The following GABRA3 variants were observed in gnomAD, a reference collection of about 807,000 sequenced individuals.
GABRA3 encodes the protein gamma-aminobutyric acid receptor subunit alpha-3.
In GABRA3, 10 loss-of-function variants were observed where a neutral mutation model predicts 30.1. The observed-to-expected ratio is 0.33, with a 90% CI of 0.20 to 0.56. The LOEUF (loss-of-function observed/expected upper bound fraction) is 0.56. Ranked by LOEUF, GABRA3 falls within the 20% of genes least tolerant of loss-of-function variation. GABRA3 has a pLI of 0.89. For missense variants in GABRA3, 233 were observed against 392.0 expected (o/e 0.59, Z 3.42); for synonymous variants, 151 against 146.8 (o/e 1.03, Z -0.21).
intron 7 of GABRA3, among the ~76,000 whole-genome samples, chrX:152,200,967 AG>A (rs1225449163): frequency 2.7e-5 from 3 of 111,921 alleles, no homozygotes; most frequent in Non-Finnish European, 5.6e-5. Context: ...ACTGACACCT[AG>A]GTTGCGAAGA....
At chrX:152,344,626 C>T (rs761393042) in intron 3 of GABRA3, among the ~76,000 whole-genome samples, 1 of 111,886 alleles carries the variant, frequency 8.9e-6, no homozygotes, top group Non-Finnish European at 1.9e-5. Flanking sequence ...TAGAGTGCAG[C>T]AACCTGGTAA....
At chrX:152,224,624 T>G (rs1390801961) in intron 6 of GABRA3, 139 bp downstream of exon 6, 1 of 398,129 alleles carries the variant, frequency 2.5e-6, no homozygotes, top group African/African-American at 2.5e-5. Context: ...TCAACCCCAC[T>G]CTCTGACCCA....
At chrX:152,302,975 A>G (rs1364323945) in intron 3 of GABRA3, among the ~76,000 whole-genome samples, 1 of 111,620 alleles carries the variant, frequency 9.0e-6, no homozygotes, top group Non-Finnish European at 1.9e-5. Flanking sequence ...TATCCAATCC[A>G]CCATTGATGG....
chrX:152,175,880 C>T (rs1249881346), intron 9 of GABRA3, among the ~76,000 whole-genome samples: 3 of 109,336 alleles, frequency 2.7e-5, no homozygotes, highest in Non-Finnish European at 3.8e-5. Context: ...CTGGCTAACA[C>T]GGTGAAACCC....
chrX:152,203,545 A>G (rs1362878733), intron 7 of GABRA3, among the ~76,000 whole-genome samples: 1 of 111,945 alleles, frequency 8.9e-6, no homozygotes, highest in African/African-American at 3.2e-5. Flanking sequence ...TTCAAACAGC[A>G]CGAATTTATA....
At chrX:152,244,374 T>A (rs1305971775) in intron 5 of GABRA3, among the ~76,000 whole-genome samples, 3 of 111,795 alleles carry the variant, frequency 2.7e-5, no homozygotes, top group African/African-American at 9.8e-5. Context: ...ATTAGAGAAG[T>A]GATTAGGTCA....
intron 3 of GABRA3, among the ~76,000 whole-genome samples, chrX:152,290,059 T>C (rs1397985019): frequency 8.9e-6 from 1 of 112,025 alleles, no homozygotes; most frequent in African/African-American, 3.2e-5. Flanking sequence ...GGTCAAATGG[T>C]ATTTCCAGTT....
chrX:152,203,299 A>G (rs1327609637), intron 7 of GABRA3, among the ~76,000 whole-genome samples: 1 of 111,995 alleles, frequency 8.9e-6, no homozygotes, highest in African/African-American at 3.2e-5. Flanking sequence ...AATACTCTGA[A>G]GGGTCTTTCT....
chrX:152,236,142 C>T (rs1419994463), intron 5 of GABRA3, among the ~76,000 whole-genome samples: 1 of 65,774 alleles, frequency 1.5e-5, no homozygotes, highest in East Asian at 5.6e-4. Flanking sequence ...TATCCCTCCC[C>T]CCTCCCCCCA....
At chrX:152,414,875 A>AT (rs1409519115) in intron 1 of GABRA3, among the ~76,000 whole-genome samples, 3 of 106,225 alleles carry the variant, frequency 2.8e-5, no homozygotes, top group African/African-American at 1.0e-4. Flanking sequence ...AAAAAAAACC[A>AT]TGGAGGAACC....
At chrX:152,339,843 C>T (rs950599496) in intron 3 of GABRA3, among the ~76,000 whole-genome samples, 7 of 111,776 alleles carry the variant, frequency 6.3e-5, no homozygotes, top group African/African-American at 2.3e-4. Flanking sequence ...AAAATAACTA[C>T]TCCAACCTTC....
intron 1 of GABRA3, among the ~76,000 whole-genome samples, chrX:152,394,060 TATC>T (rs1010263180): frequency 5.4e-5 from 6 of 111,655 alleles, no homozygotes; most frequent in African/African-American, 1.6e-4. Context: ...TCATCATTGT[TATC>T]ATCATCATCA....
intron 3 of GABRA3, among the ~76,000 whole-genome samples, chrX:152,305,523 A>C (rs896644946): frequency 8.9e-6 from 1 of 111,856 alleles, no homozygotes; most frequent in Non-Finnish European, 1.9e-5. Flanking sequence ...TCTTTTATTT[A>C]TCTGATTAAA....
chrX:152,302,912 T>C (rs1939656326), intron 3 of GABRA3, among the ~76,000 whole-genome samples: 1 of 111,938 alleles, frequency 8.9e-6, no homozygotes, highest in Admixed American at 9.5e-5. Context: ...GACATGATTT[T>C]ATTCTTTTAT....
intron 1 of GABRA3, among the ~76,000 whole-genome samples, chrX:152,419,189 T>G (rs1434003696): frequency 9.0e-6 from 1 of 110,756 alleles, no homozygotes; most frequent in African/African-American, 3.3e-5. Context: ...ATACCTAATG[T>G]TAAATGACGA....
chrX:152,383,957 C>A (rs750631079), intron 1 of GABRA3, among the ~76,000 whole-genome samples: 34 of 87,039 alleles, frequency 3.9e-4, no homozygotes, highest in Non-Finnish European at 6.8e-4. Flanking sequence ...TGTGGAAAAC[C>A]CTACAGACTC....
In GABRA3 at chrX:152,268,791, A is replaced by C. The variant is rs760809091; in HGVS notation, c.331-12793T>G. On this transcript the variant is annotated intron_variant, in intron 4 of 9. Coordinates refer to ENST00000370314, the MANE Select transcript of GABRA3 (RefSeq NM_000808.4). ...TGTGATGTTGCCCAGGCTGGTCTTG[A>C]ACTCCTGAGCTCAAGGGATCGGTGT... Among the ~76,000 whole-genome samples, 7 of 111,277 alleles carry C rather than the reference A, an allele frequency of 6.3e-5. No individual in the cohort carries two copies. The South Asian group carries it at 2.7e-3, about 43-fold the overall frequency.
intron 3 of GABRA3, among the ~76,000 whole-genome samples, chrX:152,295,545 C>T (rs1028469530): frequency 2.7e-5 from 3 of 112,937 alleles, no homozygotes; most frequent in Non-Finnish European, 5.6e-5. Flanking sequence ...TTGCTAAGAC[C>T]GTTGGAAAAG....
At chrX:152,368,307 C>T in intron 1 of GABRA3, among the ~76,000 whole-genome samples, 1 of 111,732 alleles carries the variant, frequency 8.9e-6, no homozygotes, top group Non-Finnish European at 1.9e-5. Context: ...TACCTTCCAG[C>T]CCCTGGTAAC....
Sources: allele counts gnomAD v4.1 joint callset (sites outside exome capture counted in the v4.1 genomes callset), GRCh38; gene constraint gnomAD v4.1.1; transcripts MANE v1.5; gene names NCBI Gene and HGNC (gene_info 2026-07-23, HGNC 2026-07-21).